Variants in USH2A observed in about 807,000 individuals in gnomAD.
The protein encoded by USH2A is usherin.
In USH2A, 443 loss-of-function variants were observed where a neutral mutation model predicts 538.9. The observed-to-expected ratio is 0.82, with a 90% CI of 0.76 to 0.89. The LOEUF (loss-of-function observed/expected upper bound fraction) is 0.89. Ranked by LOEUF, USH2A falls within the 40% of genes least tolerant of loss-of-function variation. The pLI, the probability that USH2A is intolerant of heterozygous loss-of-function variation, is 0.00. For synonymous variants in USH2A, 2,413 were observed against 2,273.5 expected (o/e 1.06, Z -1.75); for missense variants, 6,633 against 6,324.8 (o/e 1.05, Z -1.65).
intron 21 of USH2A, among the ~76,000 whole-genome samples, chr1:216,129,294 C>T (rs1425464735): frequency 4.6e-5 from 7 of 151,890 alleles, no homozygotes; most frequent in African/African-American, 7.3e-5. Context: ...GGTCATATGG[C>T]CATTCTGTTT....
In USH2A at chr1:216,247,200, C is replaced by G; in HGVS notation, c.2194G>C (p.Gly732Arg). 2 of 1,613,838 alleles carry G rather than the reference C, an allele frequency of 1.2e-6. No homozygotes were observed. Among genetic ancestry groups the G allele is most frequent in the Non-Finnish European group, 1.7e-6 (2 of 1,179,904 alleles). Reference sequence around the variant, plus strand: ...TTAAAGCTTCGGAGAAATTTAAATCCAAAATTGCAATGATCACACCTAAGC... The same window carrying G: ...TTAAAGCTTCGGAGAAATTTAAATCGAAAATTGCAATGATCACACCTAAGC... ...IGLRCDHCNF[G>R]FKFLRSFNDV... Residue 732 changes from glycine to arginine, a missense_variant, in exon 13 of 72, where the codon GGA becomes CGA. By Grantham distance (125) the Gly-to-Arg change is moderately radical (BLOSUM62 -2). Coordinates refer to ENST00000307340, the MANE Select transcript of USH2A (RefSeq NM_206933.4).
In USH2A at chr1:216,325,365, G is replaced by A; in HGVS notation, c.1083C>T (p.Asn361=). The A allele has an allele frequency of 6.2e-7, 1 of 1,613,866 alleles. No homozygotes were observed. The highest frequency in any genetic ancestry group is 8.5e-7 in the Non-Finnish European group (1 of 1,179,882). The part of the protein sequence containing the change: ...GTSWVSNVFT[N]ITQLNQGVTI... Reference sequence around the variant, plus strand: ...TCACTCCTTGATTAAGCTGTGTAATGTTTGTAAACACATTTGAAACCCATG... The same window carrying A: ...TCACTCCTTGATTAAGCTGTGTAATATTTGTAAACACATTTGAAACCCATG... The change falls in exon 6 of 72, where the codon AAC becomes AAT. Residue 361 remains asparagine (N), a synonymous_variant. Transcript: ENST00000307340.
At position 215,900,906 on chromosome 1, in the gene USH2A, C is replaced by T. The variant is rs1438496892; in HGVS notation, c.7301-1G>A. 4 of 1,613,170 alleles carry T rather than the reference C, an allele frequency of 2.5e-6. No homozygotes were observed. Among genetic ancestry groups the T allele is most frequent in the African/African-American group, 2.7e-5 (2 of 74,858 alleles). ...CTGGGAGGCAGCACGCCATCTGGAGCTGTCGAAAAACACAGATGAATTAGA... is the reference window on the plus strand; with the variant it reads ...CTGGGAGGCAGCACGCCATCTGGAGTTGTCGAAAAACACAGATGAATTAGA... On this transcript the variant is annotated splice_acceptor_variant, in intron 38 of 71. Transcript: ENST00000307340. LOFTEE classifies it high-confidence loss of function.
intron 3 of USH2A, among the ~76,000 whole-genome samples, chr1:216,409,529 A>G (rs2039450142): frequency 6.6e-6 from 1 of 152,146 alleles, no homozygotes; most frequent in Non-Finnish European, 1.5e-5. Context: ...GTACAAAAAC[A>G]GACACATAGA....
intron 20 of USH2A, among the ~76,000 whole-genome samples, chr1:216,187,262 C>T (rs557996988): frequency 1.3e-5 from 2 of 151,998 alleles, no homozygotes; most frequent in Non-Finnish European, 2.9e-5. Flanking sequence ...GGTGTTAATC[C>T]TACCTGTTGG....
chr1:215,874,880 C>T (rs184224943), intron 43 of USH2A, among the ~76,000 whole-genome samples: 45 of 152,136 alleles, frequency 3.0e-4, no homozygotes, highest in Middle Eastern at 3.4e-3. Context: ...AATTAAAAAC[C>T]CAGGAAAACA....
In USH2A at chr1:215,813,828, A is replaced by C. The variant is rs1253658287; in HGVS notation, c.9647T>G (p.Leu3216Arg). 6.2e-7 allele frequency: 1 copy of C among 1,614,006 alleles called. No individual in the cohort carries two copies. Among genetic ancestry groups the C allele is most frequent in the Non-Finnish European group, 8.5e-7 (1 of 1,179,890 alleles). ...CCEEKYIPFV[L>R]NSTGVCCGGR... ...ACCACAACAAACTCCAGTAGAATTC[A>C]GAACAAACGGGATATACTTTTCTTC... Residue 3216 changes from leucine (L) to arginine (R), a missense_variant, in exon 49 of 72, where the codon CTG becomes CGG. Leu to Arg is a moderately radical substitution (Grantham distance 102). Transcript: ENST00000307340.
At chr1:215,768,900 T>C (rs567691727) in intron 55 of USH2A, among the ~76,000 whole-genome samples, 3 of 152,294 alleles carry the variant, frequency 2.0e-5, no homozygotes, top group African/African-American at 4.8e-5. Context: ...CTTTCCCCTA[T>C]AGTGCCCATT....
chr1:216,385,851 G>A (rs556681945), intron 3 of USH2A, among the ~76,000 whole-genome samples: 1 of 152,212 alleles, frequency 6.6e-6, no homozygotes, highest in African/African-American at 2.4e-5. Context: ...TCACCTTTCT[G>A]CCTTTCTACA....
intron 56 of USH2A, among the ~76,000 whole-genome samples, chr1:215,765,076 A>C (rs932868203): frequency 2.0e-4 from 30 of 152,140 alleles, no homozygotes; most frequent in African/African-American, 7.0e-4. Flanking sequence ...CATTTCAAGA[A>C]ATTTTGTTGG....
intron 38 of USH2A, among the ~76,000 whole-genome samples, chr1:215,916,938 A>G (rs1385968525): frequency 6.6e-6 from 1 of 152,164 alleles, no homozygotes; most frequent in Non-Finnish European, 1.5e-5. Context: ...TTGTTAACCA[A>G]GAAACATCAG....
chr1:216,418,663 T>A lies in USH2A; in HGVS notation c.502A>T (p.Thr168Ser), dbSNP rs778372725. ...QQGVMCVIEK[T>S]VDGQIVFKLT... ...TTGAACACAATCTGCCCATCTACTGTCTTTTCTATAACACACCTTAGGAAG... is the reference window on the plus strand; with the variant it reads ...TTGAACACAATCTGCCCATCTACTGACTTTTCTATAACACACCTTAGGAAG... The change falls in exon 3 of 72, where the codon ACA becomes TCA. Residue 168 changes from threonine (T) to serine (S), a missense_variant. Physicochemically the swap from Thr to Ser is moderately conservative, Grantham distance 58. Coordinates refer to ENST00000307340, the MANE Select transcript of USH2A (RefSeq NM_206933.4). 6.2e-7 allele frequency: 1 copy of A among 1,613,030 alleles called. No individual in the cohort carries two copies. Among genetic ancestry groups the A allele is most frequent in the Non-Finnish European group, 8.5e-7 (1 of 1,179,382 alleles).
At chr1:216,366,940 T>G (rs1200387079) in intron 3 of USH2A, among the ~76,000 whole-genome samples, 2 of 152,170 alleles carry the variant, frequency 1.3e-5, no homozygotes, top group African/African-American at 4.8e-5. Flanking sequence ...ATACAGGCTT[T>G]TCTACTTTGT....
intron 47 of USH2A, among the ~76,000 whole-genome samples, chr1:215,822,861 A>G (rs1663049545): frequency 6.6e-6 from 1 of 152,046 alleles, no homozygotes; most frequent in South Asian, 2.1e-4. Flanking sequence ...TTCAGCATCT[A>G]TTGAAATGAT....
chr1:216,358,121 A>C (rs1307849991), intron 4 of USH2A, among the ~76,000 whole-genome samples: 1 of 152,180 alleles, frequency 6.6e-6, no homozygotes, highest in African/African-American at 2.4e-5. Context: ...AGTAACAGAA[A>C]GTGTCACTGG....
intron 41 of USH2A, 107 bp downstream of exon 41, chr1:215,888,319 A>G (rs1446085265): frequency 1.9e-6 from 3 of 1,559,304 alleles, no homozygotes; most frequent in Non-Finnish European, 2.6e-6. Flanking sequence ...TGAATGCCTA[A>G]AACAACAAAT....
At chr1:216,408,915 T>A (rs1478292203) in intron 3 of USH2A, among the ~76,000 whole-genome samples, 1 of 152,132 alleles carries the variant, frequency 6.6e-6, no homozygotes, top group Non-Finnish European at 1.5e-5. Context: ...ACCTCACATG[T>A]CATCACACTA....
chr1:216,288,513 CA>C (rs1161361185), intron 11 of USH2A, among the ~76,000 whole-genome samples: 1 of 152,058 alleles, frequency 6.6e-6, no homozygotes, highest in African/African-American at 2.4e-5. Context: ...AACTTTTTAA[CA>C]AATATTCTAT....
chr1:216,191,048 T>C (rs575224677), intron 19 of USH2A, among the ~76,000 whole-genome samples: 1 of 152,116 alleles, frequency 6.6e-6, no homozygotes, highest in East Asian at 1.9e-4. Flanking sequence ...TCACAGTCCA[T>C]AAATAAATTA....
Sources: gnomAD v4.1 joint callset for allele counts (sites outside exome capture counted in the v4.1 genomes callset) on GRCh38, gnomAD v4.1.1 for gene constraint, MANE v1.5 for transcripts, NCBI Gene and HGNC (gene_info 2026-07-23, HGNC 2026-07-21) for gene names.